EHBP1: variants seen among roughly 807,000 people sequenced by gnomAD.
EHBP1 encodes EH domain-binding protein 1.
EHBP1 carries 55 observed loss-of-function variants against 144.0 expected under a neutral mutation model. The ratio of observed to expected loss-of-function variants is 0.38; its 90% CI spans 0.31 to 0.48. The LOEUF (loss-of-function observed/expected upper bound fraction) is 0.48, where lower values mean the gene tolerates loss of function less well. Ranked by LOEUF, EHBP1 falls within the 20% of genes least tolerant of loss-of-function variation. The pLI, the probability that EHBP1 is intolerant of heterozygous loss-of-function variation, is 0.98. For synonymous variants in EHBP1, 469 were observed against 472.7 expected (o/e 0.99, Z 0.10); for missense variants, 1,200 against 1,364.2 (o/e 0.88, Z 1.90).
chr2:62,709,865 G>A (rs1383674902), intron 2 of EHBP1, among the ~76,000 whole-genome samples: 5 of 152,020 alleles, frequency 3.3e-5, no homozygotes, highest in Non-Finnish European at 7.4e-5. Flanking sequence ...CTTAGATCAG[G>A]AACAAAAACG....
At position 62,941,497 on chromosome 2, in the gene EHBP1, CTG is replaced by C. The variant is rs546131250; in HGVS notation, c.1186-1219_1186-1218del. 1.6e-3 allele frequency among the ~76,000 whole-genome samples: 248 copies of C among 152,168 alleles called. 1 individual carries two copies. The highest frequency in any genetic ancestry group is 5.7e-3 in the African/African-American group (235 of 41,556). On this transcript the variant is annotated intron_variant, in intron 10 of 22. Coordinates refer to ENST00000431489, the MANE Select transcript of EHBP1 (RefSeq NM_001142616.3). ...TTTACATAATATTTTGTTAATCCGA[CTG>C]TTAATAAAAAATGAGAAGTTATTTT... is the stretch of plus-strand genomic sequence containing the variant.
chr2:63,007,516 G>T (rs895046358), intron 19 of EHBP1, among the ~76,000 whole-genome samples: 1 of 151,596 alleles, frequency 6.6e-6, no homozygotes, highest in African/African-American at 2.4e-5. Context: ...ACAAAGACAT[G>T]GTATGAATTT....
chr2:62,746,203 G>A (rs1271121403), intron 2 of EHBP1, among the ~76,000 whole-genome samples: 3 of 151,956 alleles, frequency 2.0e-5, no homozygotes, highest in South Asian at 2.1e-4. Context: ...TTGTTATACC[G>A]CACTCCATTC....
intron 5 of EHBP1, among the ~76,000 whole-genome samples, chr2:62,811,393 T>C (rs2044996265): frequency 6.6e-6 from 1 of 152,242 alleles, no homozygotes; most frequent in Non-Finnish European, 1.5e-5. Context: ...GTGGTACTTG[T>C]GACAGCTTGG....
chr2:62,735,670 G>A (rs1158073298), intron 2 of EHBP1, among the ~76,000 whole-genome samples: 1 of 152,038 alleles, frequency 6.6e-6, no homozygotes, highest in Admixed American at 6.6e-5. Context: ...CTTTCCTTCT[G>A]TCTAAAGAGC....
intron 10 of EHBP1, among the ~76,000 whole-genome samples, chr2:62,941,868 C>T (rs2056775026): frequency 6.6e-6 from 1 of 151,958 alleles, no homozygotes; most frequent in Non-Finnish European, 1.5e-5. Flanking sequence ...CTAAAGTTAC[C>T]ATCACAAATT....
intron 1 of EHBP1, among the ~76,000 whole-genome samples, chr2:62,678,822 G>A (rs1246388685): frequency 2.0e-5 from 3 of 151,942 alleles, no homozygotes; most frequent in African/African-American, 7.3e-5. Context: ...TTTATTACAT[G>A]TATATTTACT....
intron 1 of EHBP1, among the ~76,000 whole-genome samples, chr2:62,695,310 G>A (rs1330487534): frequency 2.6e-5 from 4 of 152,074 alleles, no homozygotes; most frequent in South Asian, 2.1e-4. Flanking sequence ...GCAGTGAGCC[G>A]TGATCACACC....
At chr2:63,035,967 G>A (rs2153357767) in intron 19 of EHBP1, among the ~76,000 whole-genome samples, 1 of 152,008 alleles carries the variant, frequency 6.6e-6, no homozygotes, top group East Asian at 1.9e-4. Context: ...CTTTTGTTCA[G>A]ACTCTAAAAG....
At chr2:63,003,268 G>A (rs1328297464) in intron 19 of EHBP1, among the ~76,000 whole-genome samples, 2 of 152,002 alleles carry the variant, frequency 1.3e-5, no homozygotes, top group Non-Finnish European at 2.9e-5. Context: ...TAAAATAAAT[G>A]TAGACAAAAT....
intron 10 of EHBP1, among the ~76,000 whole-genome samples, chr2:62,891,346 T>G (rs2052447493): frequency 6.6e-6 from 1 of 152,132 alleles, no homozygotes; most frequent in South Asian, 2.1e-4. Flanking sequence ...TATGAGGGCT[T>G]TATGTTTTAC....
At chr2:62,685,216 T>C (rs2033679277) in intron 1 of EHBP1, among the ~76,000 whole-genome samples, 1 of 152,196 alleles carries the variant, frequency 6.6e-6, no homozygotes, top group Non-Finnish European at 1.5e-5. Flanking sequence ...AGGTAATGGA[T>C]ATATTAAGTA....
chr2:62,740,592 C>A (rs777214910), intron 2 of EHBP1, among the ~76,000 whole-genome samples: 1 of 152,088 alleles, frequency 6.6e-6, no homozygotes, highest in African/African-American at 2.4e-5. Flanking sequence ...GGCTAAGAGT[C>A]CTTTTCCCTA....
At chr2:63,001,752 C>T (rs1298682719) in intron 19 of EHBP1, among the ~76,000 whole-genome samples, 1 of 152,120 alleles carries the variant, frequency 6.6e-6, no homozygotes, top group Non-Finnish European at 1.5e-5. Flanking sequence ...AGTGGGAGAG[C>T]AGGAGTTAGA....
intron 14 of EHBP1, among the ~76,000 whole-genome samples, chr2:62,956,704 AAAAAC>A (rs1357631364): frequency 3.7e-5 from 5 of 135,522 alleles, no homozygotes; most frequent in South Asian, 2.5e-4. Context: ...AAAAAAAAAA[AAAAAC>A]CACCGCAAAA....
intron 10 of EHBP1, among the ~76,000 whole-genome samples, chr2:62,933,004 A>G (rs2056123010): frequency 6.6e-6 from 1 of 151,784 alleles, no homozygotes; most frequent in Non-Finnish European, 1.5e-5. Flanking sequence ...GTATTTTACT[A>G]CAATAAAAAG....
intron 5 of EHBP1, among the ~76,000 whole-genome samples, chr2:62,779,030 A>G (rs1179526532): frequency 1.3e-5 from 2 of 152,228 alleles, no homozygotes; most frequent in Non-Finnish European, 2.9e-5. Flanking sequence ...CCAAAGGTCT[A>G]AAGAGTGTCT....
chr2:62,725,330 T>C (rs2036659039), intron 2 of EHBP1, among the ~76,000 whole-genome samples: 1 of 152,132 alleles, frequency 6.6e-6, no homozygotes, highest in Non-Finnish European at 1.5e-5. Flanking sequence ...TGCTCATTGG[T>C]TGCGGCAGTG....
At chr2:62,736,490 C>G (rs1386979064) in intron 2 of EHBP1, among the ~76,000 whole-genome samples, 1 of 152,126 alleles carries the variant, frequency 6.6e-6, no homozygotes, top group Non-Finnish European at 1.5e-5. Context: ...TCGCAAAGCG[C>G]TGGGATTATA....
Sources: allele counts gnomAD v4.1 joint callset (sites outside exome capture counted in the v4.1 genomes callset), GRCh38; gene constraint gnomAD v4.1.1; transcripts MANE v1.5; gene names NCBI Gene and HGNC (gene_info 2026-07-23, HGNC 2026-07-21).